LINGO2: variants seen among roughly 807,000 people sequenced by gnomAD.
The protein encoded by LINGO2 is leucine-rich repeat and immunoglobulin-like domain-containing nogo receptor-interacting protein 2.
In LINGO2, 14 loss-of-function variants were observed where a neutral mutation model predicts 30.6. The observed-to-expected ratio is 0.46, with a 90% CI of 0.30 to 0.72. LINGO2 has a LOEUF of 0.72. Among genes scored for constraint, LINGO2 ranks in the 30% least tolerant of loss-of-function variants. LINGO2 has a pLI of 0.07. For synonymous variants in LINGO2, 317 were observed against 288.5 expected, an observed-to-expected ratio of 1.10 and a Z score of -1.00; for missense variants, 729 against 751.7, an observed-to-expected ratio of 0.97 and a Z score of 0.35.
chr9:28,036,149 C>T (rs1245990314), intron 4 of LINGO2, among the ~76,000 whole-genome samples: 5 of 152,094 alleles, frequency 3.3e-5, no homozygotes, highest in Non-Finnish European at 4.4e-5. Flanking sequence ...GAAGCCAAAC[C>T]ATCACATATT....
At chr9:28,244,502 T>A (rs1433107983) in intron 4 of LINGO2, among the ~76,000 whole-genome samples, 4 of 151,968 alleles carry the variant, frequency 2.6e-5, no homozygotes, top group Non-Finnish European at 4.4e-5. Flanking sequence ...CTTCAAAAAA[T>A]TAGTGAATCC....
the LINGO2 span, among the ~76,000 whole-genome samples, chr9:28,938,702 C>A: frequency 6.6e-6 from 1 of 152,126 alleles, no homozygotes. Context: ...ATAGGCTACA[C>A]CATATAGGTG....
chr9:28,123,145 C>A (rs759444650), intron 4 of LINGO2, among the ~76,000 whole-genome samples: 3 of 152,026 alleles, frequency 2.0e-5, no homozygotes, highest in Admixed American at 6.6e-5. Flanking sequence ...GATTGAATAA[C>A]GGTGAATGGA....
At position 28,061,575 on chromosome 9, in the gene LINGO2, A is replaced by T. The variant is rs148631706; in HGVS notation, c.-86-49170T>A. Among the ~76,000 whole-genome samples the T allele has an allele frequency of 4.8e-3, 734 of 152,216 alleles. 18 individuals are homozygous for T. The South Asian group carries it at 0.048, about 10-fold the overall frequency. The stretch of plus-strand genomic sequence containing the variant: ...TTTAATCCATAAAAATAAAAAAAGT[A>T]AATGAAATAAAAGGAAAATATGACC... On this transcript the variant is annotated intron_variant, in intron 4 of 5. Coordinates refer to ENST00000379992, the Ensembl canonical transcript of LINGO2.
At chr9:28,562,858 T>G (rs1036283936) in intron 1 of LINGO2, among the ~76,000 whole-genome samples, 2 of 152,078 alleles carry the variant, frequency 1.3e-5, no homozygotes, top group African/African-American at 4.8e-5. Flanking sequence ...ATTTATTTAT[T>G]TATTTTGGGA....
the LINGO2 span, among the ~76,000 whole-genome samples, chr9:29,051,283 C>G: frequency 6.6e-6 from 1 of 152,110 alleles, no homozygotes; most frequent in Non-Finnish European, 1.5e-5. Context: ...AAAATCTTCC[C>G]TGTTCTGCCT....
chr9:28,036,901 A>T lies in LINGO2; in HGVS notation c.-86-24496T>A, dbSNP rs561930533. ...CAGCCTCAACAAAAGGTCTGAAAGTAAAATTGGACTGGAAAAATAGAAGGT... is the reference window on the plus strand; with the variant it reads ...CAGCCTCAACAAAAGGTCTGAAAGTTAAATTGGACTGGAAAAATAGAAGGT... On this transcript the variant is annotated intron_variant, in intron 4 of 5. Coordinates refer to ENST00000379992, the Ensembl canonical transcript of LINGO2. Among the ~76,000 whole-genome samples, 3 of 152,356 alleles carry T rather than the reference A, an allele frequency of 2.0e-5. No individual in the cohort carries two copies. The South Asian group carries it at 6.2e-4, about 32-fold the overall frequency.
the LINGO2 span, among the ~76,000 whole-genome samples, chr9:29,141,252 TATAA>T: frequency 6.6e-6 from 1 of 152,096 alleles, no homozygotes; most frequent in South Asian, 2.1e-4. Flanking sequence ...ACACACCCTA[TATAA>T]ATATGTAATT....
At chr9:28,476,815 T>C (rs533599750) in intron 1 of LINGO2, among the ~76,000 whole-genome samples, 2 of 152,340 alleles carry the variant, frequency 1.3e-5, no homozygotes, top group South Asian at 4.1e-4. Context: ...CGTTTATGTA[T>C]TTAATATAAT....
chr9:28,772,897 T>C, the LINGO2 span, among the ~76,000 whole-genome samples: 2 of 152,206 alleles, frequency 1.3e-5, 1 homozygote, highest in Non-Finnish European at 2.9e-5. Flanking sequence ...TAATCCAATT[T>C]GTCCACAACA....
the LINGO2 span, among the ~76,000 whole-genome samples, chr9:29,168,632 A>G: frequency 5.3e-4 from 81 of 152,238 alleles, no homozygotes; most frequent in Non-Finnish European, 8.8e-4. Context: ...GACACCATCA[A>G]GTGAAGATGT....
chr9:28,670,838 C>T (rs1828980913), upstream of LINGO2, among the ~76,000 whole-genome samples: 1 of 152,086 alleles, frequency 6.6e-6, no homozygotes. Context: ...TCATTTCCTA[C>T]ATTTTATGAA....
At chr9:28,671,432 A>T (rs116268926), upstream of LINGO2, among the ~76,000 whole-genome samples, 347 of 152,022 alleles carry the variant, frequency 2.3e-3, 3 homozygotes, top group African/African-American at 8.0e-3. Flanking sequence ...ATATCAACAC[A>T]AAATTCTATG....
At chr9:28,008,866 T>C (rs1822403563) in intron 5 of LINGO2, among the ~76,000 whole-genome samples, 1 of 152,146 alleles carries the variant, frequency 6.6e-6, no homozygotes, top group Non-Finnish European at 1.5e-5. Flanking sequence ...TTTAATGTAA[T>C]ACATATCAAA....
intron 4 of LINGO2, among the ~76,000 whole-genome samples, chr9:28,228,844 T>A (rs970720564): frequency 2.0e-5 from 3 of 151,786 alleles, no homozygotes; most frequent in Non-Finnish European, 3.0e-5. Context: ...ATTTCTATAT[T>A]TTTAAATGGG....
the LINGO2 span, among the ~76,000 whole-genome samples, chr9:28,766,223 G>T: frequency 6.6e-6 from 1 of 151,952 alleles, no homozygotes; most frequent in Non-Finnish European, 1.5e-5. Context: ...TCCAATATTT[G>T]TAAGGAACTC....
intron 4 of LINGO2, among the ~76,000 whole-genome samples, chr9:28,231,650 C>T (rs1479538236): frequency 1.3e-5 from 2 of 152,084 alleles, no homozygotes; most frequent in Non-Finnish European, 2.9e-5. Flanking sequence ...CATACTCCCA[C>T]ATAGTTATAG....
chr9:28,756,503 T>C, the LINGO2 span, among the ~76,000 whole-genome samples: 7 of 151,958 alleles, frequency 4.6e-5, no homozygotes, highest in Admixed American at 4.6e-4. Context: ...TGATTGGTTT[T>C]GAAATGTAAA....
chr9:28,501,041 A>C (rs10123691), intron 1 of LINGO2, among the ~76,000 whole-genome samples: 28,837 of 152,076 alleles, frequency 0.19, 2,921 homozygotes, highest in African/African-American at 0.23. Flanking sequence ...CATTCTATCT[A>C]CCAACTGCAG....
Sources: gnomAD v4.1 joint callset for allele counts (sites outside exome capture counted in the v4.1 genomes callset) on GRCh38, gnomAD v4.1.1 for gene constraint, MANE v1.5 for transcripts, NCBI Gene and HGNC (gene_info 2026-07-23, HGNC 2026-07-21) for gene names.